PRKN: variants seen among roughly 807,000 people sequenced by gnomAD.
PRKN encodes E3 ubiquitin-protein ligase parkin.
Under a neutral mutation model 59.5 loss-of-function variants are expected in PRKN, and 56 were observed. The ratio of observed to expected loss-of-function variants is 0.94; its 90% CI spans 0.76 to 1.18. The LOEUF is 1.18. Among genes scored for constraint, PRKN ranks in the 50% most tolerant of loss-of-function variants. PRKN has a pLI of 0.00. For synonymous variants in PRKN, 250 were observed against 222.1 expected (o/e 1.13, Z -1.12); for missense variants, 657 against 596.4 (o/e 1.10, Z -1.06).
intron 6 of PRKN, among the ~76,000 whole-genome samples, chr6:161,818,813 C>A (rs1791898974): frequency 6.6e-6 from 1 of 152,162 alleles, no homozygotes; most frequent in Non-Finnish European, 1.5e-5. Flanking sequence ...TTTCCACACA[C>A]TTCATAGAGC....
intron 7 of PRKN, among the ~76,000 whole-genome samples, chr6:161,647,561 GGGCC>G (rs557639219): frequency 6.6e-6 from 1 of 151,936 alleles, no homozygotes; most frequent in African/African-American, 2.4e-5. Context: ...AACTGGGTAT[GGGCC>G]CATACTCAGA....
At chr6:162,703,554 C>A (rs1261053284) in intron 1 of PRKN, among the ~76,000 whole-genome samples, 3 of 152,154 alleles carry the variant, frequency 2.0e-5, no homozygotes, top group Non-Finnish European at 4.4e-5. Context: ...TTTTCCATGT[C>A]TTTCACGTAT....
chr6:161,772,182 G>A (rs1789720936), intron 7 of PRKN, among the ~76,000 whole-genome samples: 1 of 151,936 alleles, frequency 6.6e-6, no homozygotes, highest in Non-Finnish European at 1.5e-5. Context: ...TTTTGAACCT[G>A]TCTGCACCAG....
intron 1 of PRKN, among the ~76,000 whole-genome samples, chr6:162,724,566 T>C (rs1252954622): frequency 6.6e-6 from 1 of 152,154 alleles, no homozygotes; most frequent in East Asian, 1.9e-4. Flanking sequence ...CGCAGTAAGG[T>C]TGAGGCGGGA....
chr6:161,514,870 G>A (rs1000564364), intron 9 of PRKN, among the ~76,000 whole-genome samples: 9 of 152,118 alleles, frequency 5.9e-5, no homozygotes, highest in Non-Finnish European at 8.8e-5. Flanking sequence ...TAGTGCTGCC[G>A]TCATGGTGCC....
chr6:161,359,977 C>A lies in PRKN; in HGVS notation c.1285+111G>T, dbSNP rs1784911070. 1 of 825,642 alleles carries A rather than the reference C, an allele frequency of 1.2e-6. No homozygotes were observed. The highest frequency in any genetic ancestry group is 2.1e-6 in the Non-Finnish European group (1 of 465,996). The allele number at this position is 825,642 out of a possible 1,614,324, so 51.1% of individuals were successfully genotyped here. A position where few individuals can be genotyped will look rare whatever the true frequency, so the allele number is the denominator to read the frequency against. ...TAACATTAATCGAGGGGTTACCCAACACACCAGGCACCTTCAGACAGCATC... is the reference window on the plus strand; with the variant it reads ...TAACATTAATCGAGGGGTTACCCAAAACACCAGGCACCTTCAGACAGCATC... On this transcript the variant is annotated intron_variant, in intron 11 of 11. Transcript: ENST00000366898. This position sits in a 1 kb window ranked among gnomAD's most constrained non-coding sequence, Gnocchi z 5.4.
intron 6 of PRKN, among the ~76,000 whole-genome samples, chr6:161,968,481 T>C (rs578066681): frequency 6.6e-6 from 1 of 152,242 alleles, no homozygotes; most frequent in African/African-American, 2.4e-5. Context: ...CCAAGGTGTC[T>C]CCACGGTCCC....
chr6:161,935,345 GA>G (rs1377548490), intron 6 of PRKN, among the ~76,000 whole-genome samples: 5 of 152,142 alleles, frequency 3.3e-5, no homozygotes, highest in Non-Finnish European at 5.9e-5. Flanking sequence ...TTCAGCCCAG[GA>G]GTTTGAGATC....
intron 1 of PRKN, among the ~76,000 whole-genome samples, chr6:162,548,487 C>T (rs1289630131): frequency 6.6e-6 from 1 of 151,966 alleles, no homozygotes; most frequent in Admixed American, 6.5e-5. Flanking sequence ...GACCCAGGAA[C>T]AGGAATTCTC....
intron 2 of PRKN, among the ~76,000 whole-genome samples, chr6:162,365,751 C>G (rs1785404880): frequency 6.6e-6 from 1 of 151,998 alleles, no homozygotes; most frequent in South Asian, 2.1e-4. Flanking sequence ...TCTTTTATAC[C>G]TTCTCGGTTT....
rs923361494 is a variant in PRKN at position 161,397,499 on chromosome 6, C to T, written c.1084-10622G>A. On this transcript the variant is annotated intron_variant, in intron 9 of 11. Coordinates refer to ENST00000366898, the MANE Select transcript of PRKN (RefSeq NM_004562.3). This position sits in a 1 kb window ranked among gnomAD's most constrained non-coding sequence, Gnocchi z 4.2. ...GCATTCTAACATCAAGCTTAATTGA[C>T]TGCCTCTCTTCTAACAACTTCTCAA... 6.6e-6 allele frequency among the ~76,000 whole-genome samples: 1 copy of T among 152,206 alleles called. No homozygotes were observed. Among genetic ancestry groups the T allele is most frequent in the Non-Finnish European group, 1.5e-5 (1 of 68,040 alleles).
chr6:162,565,959 A>G (rs1780059162), intron 1 of PRKN, among the ~76,000 whole-genome samples: 1 of 152,170 alleles, frequency 6.6e-6, no homozygotes, highest in African/African-American at 2.4e-5. Flanking sequence ...AATAGATTTC[A>G]AGACAAAAAC....
At chr6:161,496,009 G>A (rs983540910) in intron 9 of PRKN, among the ~76,000 whole-genome samples, 13 of 152,194 alleles carry the variant, frequency 8.5e-5, no homozygotes, top group African/African-American at 3.1e-4. Flanking sequence ...TGTGTCATGG[G>A]GGCATGCTGT....
At chr6:162,453,990 G>A (rs369193185) in intron 1 of PRKN, among the ~76,000 whole-genome samples, 9 of 152,092 alleles carry the variant, frequency 5.9e-5, no homozygotes, top group African/African-American at 1.4e-4. Context: ...AAGAAAGACT[G>A]GATGATAACT....
chr6:162,235,902 A>AAAGGAAGG (rs777894905), intron 3 of PRKN, among the ~76,000 whole-genome samples: 1,285 of 73,200 alleles, frequency 0.018, 38 homozygotes, highest in Admixed American at 0.032. Flanking sequence ...AGAAAGAAGG[A>AAAGGAAGG]AAGGAAGGAA....
At chr6:162,253,619 T>C (rs1164852811) in intron 3 of PRKN, among the ~76,000 whole-genome samples, 1 of 152,186 alleles carries the variant, frequency 6.6e-6, no homozygotes, top group Non-Finnish European at 1.5e-5. Context: ...TCACTATTTG[T>C]AGGAACTTCT....
chr6:162,710,083 G>C (rs1269617767), intron 1 of PRKN, among the ~76,000 whole-genome samples: 1 of 151,980 alleles, frequency 6.6e-6, no homozygotes, highest in African/African-American at 2.4e-5. Context: ...TGCTGAGCCA[G>C]GGGTCCTCAA....
In PRKN at chr6:162,262,589, A is replaced by G. The variant is rs781149641; in HGVS notation, c.348T>C (p.Ser116=). 33 of 1,613,072 alleles carry G rather than the reference A, an allele frequency of 2.0e-5. No individual in the cohort carries two copies. The Admixed American group carries it at 3.5e-4, about 17-fold the overall frequency. Reference sequence around the variant, plus strand: ...TGTGCAGAATGACAGCCAGCCCCACAGAGTCTCCTGGGAGGACTGAGCTGC... The same window carrying G: ...TGTGCAGAATGACAGCCAGCCCCACGGAGTCTCCTGGGAGGACTGAGCTGC... ...DLSSSVLPGD[S]VGLAVILHTD... Residue 116 remains serine (S), a synonymous_variant, in exon 3 of 12, where the codon TCT becomes TCC. Coordinates refer to ENST00000366898, the MANE Select transcript of PRKN (RefSeq NM_004562.3).
At chr6:161,834,529 T>C (rs899803161) in intron 6 of PRKN, among the ~76,000 whole-genome samples, 3 of 152,244 alleles carry the variant, frequency 2.0e-5, no homozygotes, top group African/African-American at 7.2e-5. Context: ...TCCGTTTGAA[T>C]AACACCATCA....
Sources: gnomAD v4.1 joint callset for allele counts (sites outside exome capture counted in the v4.1 genomes callset) on GRCh38, gnomAD v4.1.1 for gene constraint, Gnocchi (gnomAD v3.1) non-coding constraint, MANE v1.5 for transcripts, NCBI Gene and HGNC (gene_info 2026-07-23, HGNC 2026-07-21) for gene names.